The following TDRD12 variants were observed in gnomAD, a reference collection of about 807,000 sequenced individuals.
TDRD12 encodes the protein putative ATP-dependent RNA helicase TDRD12.
A neutral mutation model predicts 133.5 loss-of-function variants in TDRD12; 158 were observed. That is an observed-to-expected ratio of 1.18 (90% CI 1.04 to 1.35). The LOEUF (loss-of-function observed/expected upper bound fraction) is 1.35, where lower values mean the gene tolerates loss of function less well. TDRD12 is among the 40% of genes most tolerant of loss of function. TDRD12 has a pLI of 0.00. For synonymous variants in TDRD12, 460 were observed against 477.9 expected, an observed-to-expected ratio of 0.96 and a Z score of 0.49; for missense variants, 1,443 against 1,321.3, an observed-to-expected ratio of 1.09 and a Z score of -1.43.
exon 12 of TDRD12, chr19:32,790,584 T>C (rs767957315): frequency 1.2e-5 from 19 of 1,551,954 alleles, no homozygotes; most frequent in Non-Finnish European, 1.7e-5. Flanking sequence ...ATCTCTGATC[T>C]CCAGCAGGTA....
chr19:32,765,926 A>G (rs1178542715), intron 8 of TDRD12, among the ~76,000 whole-genome samples: 1 of 151,520 alleles, frequency 6.6e-6, no homozygotes, highest in Non-Finnish European at 1.5e-5. Context: ...AAAAAAAAAG[A>G]ATGTTTATGT....
downstream of TDRD12, among the ~76,000 whole-genome samples, chr19:32,825,425 C>G (rs1018949722): frequency 3.9e-5 from 6 of 152,180 alleles, no homozygotes; most frequent in African/African-American, 1.4e-4. This position sits in a 1 kb window ranked among gnomAD's most constrained non-coding sequence, Gnocchi z 4.1. Context: ...CTCGTGCGTG[C>G]TGGCCGCTGT....
chr19:32,785,733 G>C (rs982404036), intron 11 of TDRD12, among the ~76,000 whole-genome samples: 9 of 152,004 alleles, frequency 5.9e-5, no homozygotes, highest in African/African-American at 2.2e-4. Flanking sequence ...TGTTTTAGCA[G>C]AGGCCAGGAT....
At chr19:32,802,226 C>CATAT (rs148446069) in intron 19 of TDRD12, among the ~76,000 whole-genome samples, 5 of 119,120 alleles carry the variant, frequency 4.2e-5, no homozygotes, top group East Asian at 3.6e-4. Context: ...TGATAGTGAT[C>CATAT]ATATATATGA....
chr19:32,826,281 G>T, exon 8 of TDRD12: 1 of 1,453,998 alleles, frequency 6.9e-7, no homozygotes. Flanking sequence ...AAAAGAAGAT[G>T]TCGTCATCTT....
At chr19:32,751,117 C>A (rs373509215) in intron 6 of TDRD12, among the ~76,000 whole-genome samples, 7 of 149,018 alleles carry the variant, frequency 4.7e-5, no homozygotes, top group African/African-American at 1.7e-4. Flanking sequence ...CTCCCCACCC[C>A]CCGACAGGCC....
chr19:32,777,836 TA>T (rs1970635232), intron 11 of TDRD12, among the ~76,000 whole-genome samples: 2 of 14,178 alleles, frequency 1.4e-4, no homozygotes, highest in African/African-American at 2.8e-4. Context: ...TATATATATA[TA>T]TATATATATA....
At chr19:32,818,419 G>T (rs1032287297) in intron 27 of TDRD12, among the ~76,000 whole-genome samples, 3 of 152,240 alleles carry the variant, frequency 2.0e-5, no homozygotes, top group Non-Finnish European at 4.4e-5. Context: ...CCATGAGGGG[G>T]TTTTGAGCAG....
At chr19:32,720,516 C>T (rs1274500565) in intron 1 of TDRD12, among the ~76,000 whole-genome samples, 1 of 26,968 alleles carries the variant, frequency 3.7e-5, no homozygotes, top group African/African-American at 2.1e-4. Context: ...CCACACCACG[C>T]CCCCACTCCC....
In TDRD12 at chr19:32,815,629, A is replaced by G; in HGVS notation, c.3314+9A>G. 6.6e-7 allele frequency: 1 copy of G among 1,525,506 alleles called. No individual in the cohort carries two copies. The highest frequency in any genetic ancestry group is 8.7e-7 in the Non-Finnish European group (1 of 1,143,022). The allele number at this position is 1,525,506 out of a possible 1,614,324, so 94.5% of individuals were successfully genotyped here. ...AGCCTAAGCCAGACCCCGTAAGTGG[A>G]TTTCTGTCTCCTTTTTGGAAGAGTT... On this transcript the variant is annotated intron_variant, in intron 26 of 27. Transcript: ENST00000444215.
chr19:32,827,325 C>G, exon 10 of TDRD12: 3 of 849,542 alleles, frequency 3.5e-6, no homozygotes, highest in Non-Finnish European at 4.6e-6. Flanking sequence ...ATGTGACCGA[C>G]AGTTAAGAAA....
chr19:32,735,611 G>A (rs1969200515), intron 2 of TDRD12, among the ~76,000 whole-genome samples: 1 of 152,208 alleles, frequency 6.6e-6, no homozygotes. Context: ...CTAAATAAGA[G>A]GTTTTCAATG....
intron 1 of TDRD12, among the ~76,000 whole-genome samples, chr19:32,730,322 T>C (rs534142264): frequency 7.9e-5 from 12 of 152,262 alleles, no homozygotes; most frequent in East Asian, 5.8e-4. Context: ...TTGCAGCTGG[T>C]TAACACCACG....
chr19:32,770,246 A>G (rs1970408526), intron 8 of TDRD12, among the ~76,000 whole-genome samples: 1 of 152,214 alleles, frequency 6.6e-6, no homozygotes, highest in South Asian at 2.1e-4. Flanking sequence ...ACCTCAAGTG[A>G]TCCACCTGCC....
intron 6 of TDRD12, among the ~76,000 whole-genome samples, chr19:32,751,015 GT>G (rs1196422186): frequency 6.6e-6 from 1 of 152,068 alleles, no homozygotes; most frequent in East Asian, 1.9e-4. Context: ...AGGTAAACAT[GT>G]TCCATGGTAG....
exon 10 of TDRD12, chr19:32,828,031 C>T (rs977287352): frequency 1.1e-4 from 17 of 152,324 alleles, no homozygotes; most frequent in African/African-American, 3.8e-4. Context: ...GACTCAGCAA[C>T]TGTTGAACCA....
chr19:32,805,181 C>T (rs1422294756), intron 21 of TDRD12, among the ~76,000 whole-genome samples: 3 of 103,260 alleles, frequency 2.9e-5, no homozygotes, highest in Non-Finnish European at 5.4e-5. Flanking sequence ...ATATATATAA[C>T]ATATATAATA....
rs186799385 is a variant in TDRD12 at position 32,773,049 on chromosome 19, C to T, written c.963+199C>T. The stretch of plus-strand genomic sequence containing the variant: ...GAAAGTAGCTCCAGCTTCTTCATGT[C>T]GAGCTCTTGTTCTCGGCCTAGTTTT... On this transcript the variant is annotated intron_variant, in intron 9 of 27. Coordinates refer to ENST00000444215, the Ensembl canonical transcript of TDRD12. Among the ~76,000 whole-genome samples the T allele has an allele frequency of 2.1e-3, 314 of 152,302 alleles. 2 individuals are homozygous for T. Among genetic ancestry groups the T allele is most frequent in the African/African-American group, 7.3e-3 (304 of 41,564 alleles).
At chr19:32,742,158 A>AC (rs1269166519) in intron 3 of TDRD12, among the ~76,000 whole-genome samples, 1 of 110,432 alleles carries the variant, frequency 9.1e-6, no homozygotes. Flanking sequence ...GCCTTATTAG[A>AC]CTTTTTTTTT....
Sources: gnomAD v4.1 joint callset for allele counts (sites outside exome capture counted in the v4.1 genomes callset) on GRCh38, gnomAD v4.1.1 for gene constraint, Gnocchi (gnomAD v3.1) non-coding constraint, MANE v1.5 for transcripts, NCBI Gene and HGNC (gene_info 2026-07-23, HGNC 2026-07-21) for gene names.